ORC5: variants seen among roughly 807,000 people sequenced by gnomAD.
The protein encoded by ORC5 is origin recognition complex subunit 5, also known as protein phosphatase 1, regulatory subunit 117.
ORC5 carries 39 observed loss-of-function variants against 58.8 expected under a neutral mutation model. The observed-to-expected ratio is 0.66, with a 90% CI of 0.51 to 0.87. ORC5 has a LOEUF of 0.87. Among genes scored for constraint, ORC5 ranks in the 40% least tolerant of loss-of-function variants. The pLI is 0.00. For missense variants in ORC5, 493 were observed against 506.3 expected (o/e 0.97, Z 0.25); for synonymous variants, 218 against 177.6 (o/e 1.23, Z -1.81).
rs558360799 is a variant in ORC5, at chr7:104,168,301, T to C, written c.877+172A>G. ...AAACTTTTATTTCCTCCCATTAAATTAGAGCTTCAGTTAAAGAAAAATCAT... is the reference window on the plus strand; with the variant it reads ...AAACTTTTATTTCCTCCCATTAAATCAGAGCTTCAGTTAAAGAAAAATCAT... On this transcript the variant is annotated intron_variant, in intron 9 of 13. Transcript: ENST00000297431. 396 of 1,194,348 alleles carry C rather than the reference T, an allele frequency of 3.3e-4. 1 individual carries two copies. In the African/African-American group the frequency reaches 5.7e-3, roughly 17 times the overall value. 74.0% of individuals were successfully genotyped at this position (1,194,348 alleles called of 1,614,324 possible).
intron 8 of ORC5, among the ~76,000 whole-genome samples, chr7:104,181,368 T>C (rs1048711279): frequency 1.5e-4 from 23 of 152,230 alleles, no homozygotes; most frequent in Non-Finnish European, 3.1e-4. Flanking sequence ...ATGGGTATTT[T>C]TTTTCTCCTT....
In ORC5 at chr7:104,133,345, G is replaced by A. The variant is rs527332441; in HGVS notation, c.1262+3436C>T. 5.1e-4 allele frequency among the ~76,000 whole-genome samples: 78 copies of A among 152,198 alleles called. No homozygotes were observed. Among genetic ancestry groups the A allele is most frequent in the African/African-American group, 1.8e-3 (75 of 41,504 alleles). ...AATGAAATTGAGACAAATAAGAGGG[G>A]CTTTGTAAGCTCAATAGGACTAATG... On this transcript the variant is annotated intron_variant, in intron 13 of 13. Coordinates refer to ENST00000297431, the MANE Select transcript of ORC5 (RefSeq NM_002553.4). The surrounding 1 kb of genome is among the most constrained non-coding windows in gnomAD (Gnocchi z 4.7).
intron 12 of ORC5, among the ~76,000 whole-genome samples, chr7:104,152,323 T>C (rs888405378): frequency 6.6e-6 from 1 of 152,074 alleles, no homozygotes; most frequent in Non-Finnish European, 1.5e-5. Context: ...AATTTATTTA[T>C]TGTAGATACA....
intron 8 of ORC5, among the ~76,000 whole-genome samples, chr7:104,179,646 TTTG>T (rs1799395015): frequency 6.6e-6 from 1 of 152,032 alleles, no homozygotes; most frequent in Non-Finnish European, 1.5e-5. Context: ...TGCAGTTTTT[TTTG>T]TTGTTTTTTT....
At chr7:104,202,298 G>A (rs1451029160) in intron 2 of ORC5, 3 of 214,700 alleles carry the variant, frequency 1.4e-5, no homozygotes, top group African/African-American at 7.0e-5. Flanking sequence ...ACTATTTTTA[G>A]TGATTTTATA....
chr7:104,198,959 A>T (rs1174550603), intron 3 of ORC5, among the ~76,000 whole-genome samples: 1 of 152,228 alleles, frequency 6.6e-6, no homozygotes, highest in African/African-American at 2.4e-5. Flanking sequence ...TGCTTCAGAG[A>T]GTGCAAGCCC....
Position 104,136,959 on chromosome 7 carries a change from C to T in ORC5, c.1150-66G>A. The T allele has an allele frequency of 1.8e-6, 2 of 1,099,980 alleles. No homozygotes were observed. The highest frequency in any genetic ancestry group is 2.8e-6 in the Non-Finnish European group (2 of 722,338). 68.1% of individuals were successfully genotyped at this position (1,099,980 alleles called of 1,614,324 possible). Reference sequence around the variant, plus strand: ...TTATGTAATACTTTTGTTTCTGAAACATCTTATAGTCTGATAAAGATACAT... The same window carrying T: ...TTATGTAATACTTTTGTTTCTGAAATATCTTATAGTCTGATAAAGATACAT... On this transcript the variant is annotated intron_variant, in intron 12 of 13. Coordinates refer to ENST00000297431, the MANE Select transcript of ORC5 (RefSeq NM_002553.4). This position sits in a 1 kb window ranked among gnomAD's most constrained non-coding sequence, Gnocchi z 4.2.
chr7:104,180,373 A>T (rs554310363), intron 8 of ORC5, among the ~76,000 whole-genome samples: 1 of 152,052 alleles, frequency 6.6e-6, no homozygotes, highest in Non-Finnish European at 1.5e-5. Context: ...TTTATTTTTT[A>T]TTACTCAGGA....
intron 12 of ORC5, among the ~76,000 whole-genome samples, chr7:104,139,242 TAA>T (rs1446821801): frequency 1.3e-5 from 2 of 152,184 alleles, no homozygotes; most frequent in African/African-American, 4.8e-5. Context: ...CCATGAATAA[TAA>T]AAACACTAAC....
intron 6 of ORC5, chr7:104,187,952 T>C: frequency 9.8e-7 from 1 of 1,018,212 alleles, no homozygotes. Flanking sequence ...TTGATTTTTA[T>C]GGAGTTCTGC....
chr7:104,193,919 A>G (rs1799735215), intron 5 of ORC5, among the ~76,000 whole-genome samples: 1 of 151,634 alleles, frequency 6.6e-6, no homozygotes, highest in Non-Finnish European at 1.5e-5. Context: ...TTAAATCTAT[A>G]AATTTAAATT....
intron 12 of ORC5, among the ~76,000 whole-genome samples, chr7:104,153,088 G>A (rs975668918): frequency 3.9e-5 from 6 of 152,132 alleles, no homozygotes; most frequent in Non-Finnish European, 5.9e-5. Context: ...TTTTATCCCT[G>A]CGCAGTAAAA....
In ORC5 at chr7:104,197,812, A is replaced by G; in HGVS notation, c.367-13T>C. 11 of 1,496,466 alleles carry G rather than the reference A, an allele frequency of 7.4e-6. No homozygotes were observed. The highest frequency in any genetic ancestry group is 1.0e-5 in the Non-Finnish European group (11 of 1,104,194). The allele number at this position is 1,496,466 out of a possible 1,614,324, so 92.7% of individuals were successfully genotyped here. ...CTTTATCTAGAACCTTTAAAAAACA[A>G]AAAAACAAAACAAAAAGAAATGCAT... On this transcript the variant is annotated splice_polypyrimidine_tract_variant and intron_variant, in intron 3 of 13. Transcript: ENST00000297431.
In ORC5 at chr7:104,204,217, A is replaced by T. The variant is rs191173912; in HGVS notation, c.90T>A (p.Phe30Leu). ...TATGTCCATAAATAAAAATGGATGG[A>T]AAGCTGAAATGATGTCTCTAACGAG... is the stretch of plus-strand genomic sequence containing the variant. ...SLFGERHHFSFPSIFIYGHTA... is the reference protein window; with the variant it reads ...SLFGERHHFSLPSIFIYGHTA... Residue 30 changes from phenylalanine to leucine, a missense_variant, in exon 2 of 14, where the codon TTT becomes TTA. Phe to Leu is a conservative substitution (Grantham distance 22). Around this residue, in one of 3 missense-constraint regions of ORC5, gnomAD observed 412 missense variants for 403.7 expected, o/e 1.02. Transcript: ENST00000297431. 4 of 1,598,100 alleles carry T rather than the reference A, an allele frequency of 2.5e-6. No individual in the cohort carries two copies. The highest frequency in any genetic ancestry group is 3.4e-6 in the Non-Finnish European group (4 of 1,169,452).
At chr7:104,155,014 C>T (rs917947270) in intron 12 of ORC5, among the ~76,000 whole-genome samples, 1 of 151,768 alleles carries the variant, frequency 6.6e-6, no homozygotes, top group Non-Finnish European at 1.5e-5. Flanking sequence ...TGCTTTCTGA[C>T]TGATGATAAA....
At chr7:104,152,598 A>G (rs1394018975) in intron 12 of ORC5, among the ~76,000 whole-genome samples, 2 of 152,188 alleles carry the variant, frequency 1.3e-5, no homozygotes, top group East Asian at 3.8e-4. Flanking sequence ...GTCACTATAT[A>G]TTAGTAGTAT....
intron 8 of ORC5, among the ~76,000 whole-genome samples, chr7:104,174,658 A>C (rs1421075685): frequency 2.0e-5 from 3 of 152,190 alleles, no homozygotes; most frequent in Non-Finnish European, 2.9e-5. Context: ...GCACCATGCA[A>C]CGGCAGTCTC....
rs758353829 is a variant in ORC5, at chr7:104,165,227, G to C, written c.1038+8C>G. The C allele has an allele frequency of 7.2e-7, 1 of 1,388,602 alleles. No homozygotes were observed. The highest frequency in any genetic ancestry group is 1.3e-5 in the South Asian group (1 of 79,630). 86.0% of individuals were successfully genotyped at this position (1,388,602 alleles called of 1,614,324 possible). A position where few individuals can be genotyped will look rare whatever the true frequency, so the allele number is the denominator to read the frequency against. On this transcript the variant is annotated splice_region_variant and intron_variant, in intron 11 of 13. Transcript: ENST00000297431. ...AGTTTCTTCCATTAGAAATTAAAAT[G>C]TAAATACCTTTTCGTGTTTTTTTAG...
intron 8 of ORC5, among the ~76,000 whole-genome samples, chr7:104,168,939 G>C (rs895276040): frequency 2.6e-5 from 4 of 152,110 alleles, no homozygotes; most frequent in Non-Finnish European, 5.9e-5. Flanking sequence ...AAAATTAGCT[G>C]GGTATGGTGG....
Sources: allele counts gnomAD v4.1 joint callset (sites outside exome capture counted in the v4.1 genomes callset), GRCh38; gene constraint gnomAD v4.1.1; regional missense constraint gnomAD v4.1.1; non-coding constraint Gnocchi (gnomAD v3.1); transcripts MANE v1.5; gene names NCBI Gene and HGNC (gene_info 2026-07-23, HGNC 2026-07-21).